The following SPAG9 variants were observed in gnomAD, a reference collection of about 807,000 sequenced individuals.
SPAG9 encodes sperm associated antigen 9, also known as C-Jun-amino-terminal kinase-interacting protein 4.
Under a neutral mutation model 166.5 loss-of-function variants are expected in SPAG9, and 35 were observed. That is an observed-to-expected ratio of 0.21 (90% CI 0.16 to 0.28). The LOEUF (loss-of-function observed/expected upper bound fraction) is 0.28, where lower values mean the gene tolerates loss of function less well. SPAG9 is among the 10% of genes least tolerant of loss of function. The pLI is 1.00. For missense variants in SPAG9, 1,235 were observed against 1,603.3 expected (o/e 0.77, Z 3.92); for synonymous variants, 534 against 565.5 (o/e 0.94, Z 0.79).
intron 11 of SPAG9, among the ~76,000 whole-genome samples, 160 bp from the exon 12 acceptor site, chr17:51,005,423 C>T (rs188751878): frequency 5.3e-5 from 8 of 152,296 alleles, no homozygotes; most frequent in African/African-American, 9.6e-5. Flanking sequence ...ATCATCATAT[C>T]ATAGCATTGT....
chr17:50,982,803 C>T (rs900276733), intron 24 of SPAG9, 131 bp from the exon 25 acceptor site: 12 of 797,888 alleles, frequency 1.5e-5, no homozygotes, highest in Non-Finnish European at 2.1e-5. Flanking sequence ...CTAAGTATAT[C>T]TTTTATTTGC....
chr17:51,013,764 A>C (rs1377010021), intron 9 of SPAG9, among the ~76,000 whole-genome samples: 1 of 152,232 alleles, frequency 6.6e-6, no homozygotes, highest in Non-Finnish European at 1.5e-5. Flanking sequence ...CATAGGGCTA[A>C]AACATAATAT....
chr17:51,006,318 G>A, intron 10 of SPAG9, 81 bp from the exon 11 acceptor site: 1 of 1,320,528 alleles, frequency 7.6e-7, no homozygotes, highest in Middle Eastern at 1.9e-4. Flanking sequence ...AGACTAAACT[G>A]TACAACCATA....
rs778696350 is a variant in SPAG9, at chr17:50,989,700, G to T, written c.2790C>A (p.Asp930Glu). Residue 930 changes from aspartate (D) to glutamate (E), a missense_variant, in exon 21 of 30, where the codon GAC becomes GAA. Around this residue, in one of 6 missense-constraint regions of SPAG9, gnomAD observed 493 missense variants for 559.4 expected, o/e 0.88. Coordinates refer to ENST00000262013, the MANE Select transcript of SPAG9 (RefSeq NM_001130528.3). ...ACCTCGACTGATACACTGGGGAGAGGTCTTCTGGGATCTGAACTCCCAAAG... is the reference window on the plus strand; with the variant it reads ...ACCTCGACTGATACACTGGGGAGAGTTCTTCTGGGATCTGAACTCCCAAAG... ...TDPLGVQIPE[D>E]LSPVYQSSND... The T allele has an allele frequency of 6.2e-7, 1 of 1,614,098 alleles. No individual in the cohort carries two copies. Among genetic ancestry groups the T allele is most frequent in the Admixed American group, 1.7e-5 (1 of 60,010 alleles).
chr17:51,102,669 A>AT (rs1343788559), intron 1 of SPAG9, among the ~76,000 whole-genome samples: 1 of 151,636 alleles, frequency 6.6e-6, no homozygotes, highest in Non-Finnish European at 1.5e-5. Context: ...CACCTGGCTA[A>AT]TTTTTTGTAT....
chr17:51,093,393 C>T (rs946706508), intron 1 of SPAG9, among the ~76,000 whole-genome samples: 5 of 151,832 alleles, frequency 3.3e-5, no homozygotes, highest in African/African-American at 9.7e-5. Context: ...TATCAACAGA[C>T]AGTGGATAAG....
chr17:51,050,792 A>G (rs2047158125), intron 3 of SPAG9, among the ~76,000 whole-genome samples: 1 of 151,866 alleles, frequency 6.6e-6, no homozygotes, highest in African/African-American at 2.4e-5. Context: ...AGAAAGTAAA[A>G]TAGGACACGC....
intron 2 of SPAG9, among the ~76,000 whole-genome samples, chr17:51,071,440 A>G (rs567823160): frequency 6.6e-6 from 1 of 152,334 alleles, no homozygotes; most frequent in East Asian, 1.9e-4. Flanking sequence ...TAAGATATTA[A>G]CAGGACGTAT....
chr17:50,990,683 T>A lies in SPAG9; in HGVS notation c.2399-15A>T, dbSNP rs1451336378. 6.3e-7 allele frequency: 1 copy of A among 1,597,862 alleles called. No individual in the cohort carries two copies. ...TTCTCGTGCACCTGAAAAATAAATC[T>A]TCTTGTAACAGCAAAGTAAACTTCT... On this transcript the variant is annotated splice_polypyrimidine_tract_variant and intron_variant, in intron 19 of 29. Coordinates refer to ENST00000262013, the MANE Select transcript of SPAG9 (RefSeq NM_001130528.3).
At chr17:51,104,722 A>C (rs2048894922) in intron 1 of SPAG9, among the ~76,000 whole-genome samples, 2 of 151,970 alleles carry the variant, frequency 1.3e-5, no homozygotes, top group Non-Finnish European at 2.9e-5. Context: ...TCACGAGGTC[A>C]GGAGATCGAG....
At chr17:51,078,652 T>A (rs756998953) in intron 2 of SPAG9, among the ~76,000 whole-genome samples, 27 of 152,044 alleles carry the variant, frequency 1.8e-4, no homozygotes, top group Admixed American at 4.6e-4. Context: ...AGGTCTGTTT[T>A]TATTAGCCAA....
intron 25 of SPAG9, 69 bp from the exon 26 acceptor site, chr17:50,979,986 T>C: frequency 7.0e-6 from 10 of 1,437,136 alleles, no homozygotes; most frequent in Non-Finnish European, 9.7e-6. Context: ...ACTGTGCTAA[T>C]TTGCACAAGT....
chr17:51,019,697 A>C (rs2045858598), intron 8 of SPAG9, among the ~76,000 whole-genome samples: 1 of 152,160 alleles, frequency 6.6e-6, no homozygotes, highest in African/African-American at 2.4e-5. Flanking sequence ...TACTAAAAAT[A>C]CAAAATAAGC....
chr17:51,067,742 GA>G (rs986481359), intron 2 of SPAG9, among the ~76,000 whole-genome samples: 1 of 148,700 alleles, frequency 6.7e-6, no homozygotes, highest in African/African-American at 2.5e-5. Context: ...TATCTAAAAA[GA>G]AAAAAAAGGT....
chr17:51,106,102 T>TACACACACACACACACACACACACAC (rs71149344), intron 1 of SPAG9, among the ~76,000 whole-genome samples: 5 of 110,574 alleles, frequency 4.5e-5, no homozygotes, highest in Admixed American at 9.8e-5. Context: ...CCCCCATCTC[T>TACACACACACACACACACACACACAC]ACACACACAC....
At chr17:51,024,873 GT>G (rs112506575) in intron 6 of SPAG9, among the ~76,000 whole-genome samples, 1 of 151,418 alleles carries the variant, frequency 6.6e-6, no homozygotes, top group African/African-American at 2.4e-5. Context: ...TTTTTAGAGG[GT>G]AGATCTCATA....
At chr17:51,118,133 C>CAA (rs201570298) in intron 1 of SPAG9, among the ~76,000 whole-genome samples, 2,723 of 90,736 alleles carry the variant, frequency 0.03, 73 homozygotes, top group African/African-American at 0.086. Flanking sequence ...GACTCTGTCT[C>CAA]AAAAAAAAAA....
At chr17:51,101,125 A>G (rs1282939173) in intron 1 of SPAG9, among the ~76,000 whole-genome samples, 1 of 151,992 alleles carries the variant, frequency 6.6e-6, no homozygotes, top group Non-Finnish European at 1.5e-5. Flanking sequence ...AGGCAGGTGG[A>G]TCACGAGGTC....
intron 12 of SPAG9, 117 bp downstream of exon 12, chr17:51,005,095 T>C: frequency 1.2e-6 from 1 of 832,288 alleles, no homozygotes; most frequent in Non-Finnish European, 1.9e-6. Flanking sequence ...ACCATAAACA[T>C]GTCTCCTGAC....
Sources: allele counts gnomAD v4.1 joint callset (sites outside exome capture counted in the v4.1 genomes callset), GRCh38; gene constraint gnomAD v4.1.1; regional missense constraint gnomAD v4.1.1; transcripts MANE v1.5; gene names NCBI Gene and HGNC (gene_info 2026-07-23, HGNC 2026-07-21).